Variants in ANKS1B observed in about 807,000 individuals in gnomAD.
ANKS1B encodes the protein ankyrin repeat and sterile alpha motif domain containing 1B.
In ANKS1B, 36 loss-of-function variants were observed where a neutral mutation model predicts 148.3. The ratio of observed to expected loss-of-function variants is 0.24; its 90% confidence interval spans 0.19 to 0.32. ANKS1B has a LOEUF of 0.32. Among genes scored for constraint, ANKS1B ranks in the 10% least tolerant of loss-of-function variants. ANKS1B has a pLI of 1.00. For synonymous variants in ANKS1B, 542 were observed against 560.8 expected (o/e 0.97, Z 0.47); for missense variants, 1,157 against 1,542.6 (o/e 0.75, Z 4.19).
chr12:98,861,415 T>C (rs1595723886), intron 17 of ANKS1B, among the ~76,000 whole-genome samples: 1 of 152,218 alleles, frequency 6.6e-6, no homozygotes, highest in African/African-American at 2.4e-5. Flanking sequence ...ATCACCCTTA[T>C]TGTTCTAATG....
chr12:98,759,852 C>T (rs1254478642), intron 25 of ANKS1B, among the ~76,000 whole-genome samples: 1 of 152,036 alleles, frequency 6.6e-6, no homozygotes, highest in East Asian at 1.9e-4. Flanking sequence ...TGGTGGTGCA[C>T]ATCTGTAATC....
At chr12:99,489,243 GA>G (rs34006525) in intron 10 of ANKS1B, among the ~76,000 whole-genome samples, 22,933 of 82,218 alleles carry the variant, frequency 0.28, 1,709 homozygotes, top group Non-Finnish European at 0.3. Context: ...CTCCATCTCA[GA>G]AAAAAAAAAA....
chr12:99,364,181 T>C (rs1302427613), intron 12 of ANKS1B, among the ~76,000 whole-genome samples: 2 of 152,160 alleles, frequency 1.3e-5, no homozygotes, highest in African/African-American at 4.8e-5. Context: ...ATAAACAGTT[T>C]GATTAAAGAT....
At chr12:98,794,594 A>G (rs1347402812) in intron 22 of ANKS1B, 2 of 776,894 alleles carry the variant, frequency 2.6e-6, no homozygotes, top group African/African-American at 1.7e-5. Context: ...TCTAAATGTC[A>G]TTAAAAACTT....
chr12:99,272,513 T>C (rs183433176), intron 12 of ANKS1B, among the ~76,000 whole-genome samples: 5 of 152,306 alleles, frequency 3.3e-5, no homozygotes, highest in Admixed American at 6.5e-5. Context: ...AGAAGGATAA[T>C]TGGGATATCC....
intron 17 of ANKS1B, among the ~76,000 whole-genome samples, chr12:99,050,536 T>G (rs1246993364): frequency 6.6e-6 from 1 of 152,164 alleles, no homozygotes; most frequent in African/African-American, 2.4e-5. Flanking sequence ...GATGGCATGC[T>G]TCAGAGGATT....
chr12:99,933,645 GC>G (rs2094683332), intron 1 of ANKS1B, among the ~76,000 whole-genome samples: 1 of 151,970 alleles, frequency 6.6e-6, no homozygotes, highest in African/African-American at 2.4e-5. Context: ...TTTGGTGGGG[GC>G]TTCAGGTTTT....
At chr12:99,134,673 A>T (rs1013792004) in intron 15 of ANKS1B, among the ~76,000 whole-genome samples, 39 of 149,670 alleles carry the variant, frequency 2.6e-4, no homozygotes, top group South Asian at 4.3e-4. Context: ...ACACACACAC[A>T]CACACACACA....
chr12:99,295,943 T>C (rs539066353), intron 12 of ANKS1B, among the ~76,000 whole-genome samples: 1 of 152,224 alleles, frequency 6.6e-6, no homozygotes, highest in Non-Finnish European at 1.5e-5. Flanking sequence ...AGTGTTTCTC[T>C]TATGTTTTCT....
At chr12:99,057,047 A>G (rs2040446097) in intron 16 of ANKS1B, among the ~76,000 whole-genome samples, 1 of 152,126 alleles carries the variant, frequency 6.6e-6, no homozygotes, top group Non-Finnish European at 1.5e-5. Context: ...TCTGTTTACT[A>G]TCATATCTAA....
At chr12:98,847,567 C>T (rs372668178) in intron 17 of ANKS1B, among the ~76,000 whole-genome samples, 8 of 150,530 alleles carry the variant, frequency 5.3e-5, no homozygotes, top group South Asian at 2.1e-4. Context: ...GCAATGAACA[C>T]GGGAGTGCAG....
chr12:99,072,029 T>C (rs959260848), intron 16 of ANKS1B, among the ~76,000 whole-genome samples: 55 of 152,180 alleles, frequency 3.6e-4, no homozygotes, highest in Non-Finnish European at 1.3e-4. Flanking sequence ...CAATAATCTT[T>C]AAATACATTT....
chr12:99,511,156 G>A lies in ANKS1B; in HGVS notation c.1273-6515C>T, dbSNP rs924594069. Among the ~76,000 whole-genome samples the A allele has an allele frequency of 5.1e-4, 77 of 152,022 alleles. 1 individual carries two copies. Among genetic ancestry groups the A allele is most frequent in the South Asian group, 8.3e-4 (4 of 4,818 alleles). ...CCCATTCAGTATGATGTTGGCTGTG[G>A]GTTTGTCATATATGGCTGTTATTAT... On this transcript the variant is annotated intron_variant, in intron 9 of 26. Transcript: ENST00000683438.
chr12:99,236,695 C>G (rs1042888346), intron 14 of ANKS1B, among the ~76,000 whole-genome samples: 1 of 152,134 alleles, frequency 6.6e-6, no homozygotes, highest in African/African-American at 2.4e-5. Context: ...ACTTCTGATA[C>G]TATGTTGAAT....
chr12:99,658,219 C>A (rs1421939941), intron 8 of ANKS1B, among the ~76,000 whole-genome samples: 6 of 152,124 alleles, frequency 3.9e-5, no homozygotes, highest in Non-Finnish European at 8.8e-5. Context: ...ATACCCGCCT[C>A]ACTAGCCGTA....
At chr12:98,741,033 G>A (rs184162627), downstream of ANKS1B, among the ~76,000 whole-genome samples, 1 of 152,256 alleles carries the variant, frequency 6.6e-6, no homozygotes, top group East Asian at 1.9e-4. Context: ...ATATCATAAA[G>A]CTACAATTCC....
At chr12:98,742,781 GGCAGAT>G (rs2097811424), downstream of ANKS1B, among the ~76,000 whole-genome samples, 1 of 152,254 alleles carries the variant, frequency 6.6e-6, no homozygotes, top group Non-Finnish European at 1.5e-5. Flanking sequence ...TGCTGGGGCA[GGCAGAT>G]GCTTGTGTCC....
chr12:99,576,173 AG>A (rs1448799733), intron 9 of ANKS1B, among the ~76,000 whole-genome samples: 2 of 152,126 alleles, frequency 1.3e-5, no homozygotes, highest in African/African-American at 2.4e-5. Flanking sequence ...ATAATGAGAA[AG>A]GGTTCAATTC....
chr12:98,837,863 TAA>T (rs2099384195), intron 17 of ANKS1B, among the ~76,000 whole-genome samples: 1 of 152,196 alleles, frequency 6.6e-6, no homozygotes, highest in African/African-American at 2.4e-5. Context: ...TATCTGCTTT[TAA>T]AAAAGTAAAT....
Sources: gnomAD v4.1 joint callset for allele counts (sites outside exome capture counted in the v4.1 genomes callset) on GRCh38, gnomAD v4.1.1 for gene constraint, MANE v1.5 for transcripts, NCBI Gene and HGNC (gene_info 2026-07-23, HGNC 2026-07-21) for gene names.